PPM1E: variants seen among roughly 807,000 people sequenced by gnomAD.
PPM1E encodes protein phosphatase, Mg2+/Mn2+ dependent 1E.
In PPM1E, 20 loss-of-function variants were observed where a neutral mutation model predicts 65.9. That is an observed-to-expected ratio of 0.30 (90% CI 0.21 to 0.44). PPM1E has a LOEUF of 0.44. Among genes scored for constraint, PPM1E ranks in the 20% least tolerant of loss-of-function variants. PPM1E has a pLI of 1.00. For missense variants in PPM1E, 713 were observed against 953.1 expected, an observed-to-expected ratio of 0.75 and a Z score of 3.32; for synonymous variants, 352 against 374.9, an observed-to-expected ratio of 0.94 and a Z score of 0.70.
intron 1 of PPM1E, among the ~76,000 whole-genome samples, chr17:58,794,888 C>CTTT (rs35841208): frequency 3.8e-5 from 5 of 131,604 alleles, no homozygotes; most frequent in Admixed American, 1.6e-4. Flanking sequence ...GTACATGTGT[C>CTTT]TTTTTTTTTT....
At chr17:58,765,366 C>T (rs369928675) in intron 1 of PPM1E, among the ~76,000 whole-genome samples, 12 of 151,550 alleles carry the variant, frequency 7.9e-5, no homozygotes, top group East Asian at 3.9e-4. Flanking sequence ...TTAGTAGAGA[C>T]GTAGTTTCAC....
chr17:58,856,744 CCAAA>C (rs774053780), intron 1 of PPM1E, among the ~76,000 whole-genome samples: 2 of 152,078 alleles, frequency 1.3e-5, no homozygotes, highest in East Asian at 1.9e-4. Flanking sequence ...CATTTATAAG[CCAAA>C]CAGAGAGGCT....
chr17:58,829,594 C>T (rs1223274525), intron 1 of PPM1E, among the ~76,000 whole-genome samples: 1 of 152,112 alleles, frequency 6.6e-6, no homozygotes. Context: ...GTACAGCTGA[C>T]ATTCTGGAGC....
intron 1 of PPM1E, among the ~76,000 whole-genome samples, chr17:58,936,456 G>A (rs542932167): frequency 6.6e-6 from 1 of 152,204 alleles, no homozygotes; most frequent in East Asian, 1.9e-4. Flanking sequence ...TTAATTGATG[G>A]AAACTTCCCA....
intron 1 of PPM1E, among the ~76,000 whole-genome samples, chr17:58,817,846 A>G (rs7217920): frequency 0.64 from 96,657 of 151,670 alleles, 31,158 homozygotes; most frequent in African/African-American, 0.71. Flanking sequence ...CCGCCTCCTG[A>G]GTTCACGCCA....
chr17:58,956,459 C>CAA (rs34401263), intron 2 of PPM1E, among the ~76,000 whole-genome samples: 11 of 133,724 alleles, frequency 8.2e-5, no homozygotes, highest in South Asian at 2.3e-4. Context: ...AAACAAAAAA[C>CAA]AAAAAAAAAA....
intron 1 of PPM1E, among the ~76,000 whole-genome samples, chr17:58,932,822 A>G (rs915717953): frequency 1.3e-5 from 2 of 152,240 alleles, no homozygotes; most frequent in African/African-American, 4.8e-5. Context: ...AACAAAATAC[A>G]GTCAGGCACC....
intron 1 of PPM1E, among the ~76,000 whole-genome samples, chr17:58,805,833 A>G (rs186187687): frequency 9.2e-5 from 14 of 151,710 alleles, no homozygotes; most frequent in Non-Finnish European, 1.8e-4. Flanking sequence ...CTTTGTATCT[A>G]TGTAAAATCA....
At chr17:58,806,809 C>T (rs1222020388) in intron 1 of PPM1E, among the ~76,000 whole-genome samples, 2 of 150,624 alleles carry the variant, frequency 1.3e-5, no homozygotes, top group Non-Finnish European at 3.0e-5. Flanking sequence ...AAGCGATTCT[C>T]CTGCCTCAGC....
rs1280259696 is a variant in PPM1E at position 58,778,937 on chromosome 17, T to C, written c.464+22476T>C. Among the ~76,000 whole-genome samples, 19 of 137,982 alleles carry C rather than the reference T, an allele frequency of 1.4e-4. No individual in the cohort carries two copies. In the East Asian group the frequency reaches 3.7e-3, roughly 27 times the overall value. The allele number at this position is 137,982 out of a possible 152,430, so 90.5% of individuals were successfully genotyped here. A position where few individuals can be genotyped will look rare whatever the true frequency, so the allele number is the denominator to read the frequency against. On this transcript the variant is annotated intron_variant, in intron 1 of 6. Coordinates refer to ENST00000308249, the MANE Select transcript of PPM1E (RefSeq NM_014906.5). ...TTGAGATGATACATACATATATATA[T>C]ATATATATATATATATATATATATG...
Position 58,982,751 on chromosome 17 carries a change from G to T in PPM1E, c.*1720G>T. ...TTTTGAAGTCATTTCTTCTTCTCACGTCTGTGACAAATGGTTGAAAAGGAG... is the reference window on the plus strand; with the variant it reads ...TTTTGAAGTCATTTCTTCTTCTCACTTCTGTGACAAATGGTTGAAAAGGAG... On this transcript the variant is annotated 3_prime_UTR_variant, in exon 7 of 7. Transcript: ENST00000308249. The T allele has an allele frequency of 5.4e-6, 3 of 556,866 alleles. No homozygotes were observed. The highest frequency in any genetic ancestry group is 3.1e-5 in the South Asian group (1 of 32,440). The allele number at this position is 556,866 out of a possible 1,614,324, so 34.5% of individuals were successfully genotyped here. A position where few individuals can be genotyped will look rare whatever the true frequency, so the allele number is the denominator to read the frequency against.
Position 58,796,440 on chromosome 17 carries a change from CT to C in PPM1E, c.464+39981del, listed in dbSNP as rs546805337. ...CATGTGCCACCAAGCCTGGCTAATT[CT>C]TGTATTTTTGTAGAGAGAAGATTTT... On this transcript the variant is annotated intron_variant, in intron 1 of 6. Transcript: ENST00000308249. Among the ~76,000 whole-genome samples, 13 of 152,120 alleles carry C rather than the reference CT, an allele frequency of 8.5e-5. No homozygotes were observed. The East Asian group carries it at 1.9e-3, about 23-fold the overall frequency.
chr17:58,946,520 A>C (rs1307753082), intron 1 of PPM1E, among the ~76,000 whole-genome samples: 1 of 152,124 alleles, frequency 6.6e-6, no homozygotes, highest in Non-Finnish European at 1.5e-5. Flanking sequence ...TATAACGATG[A>C]TTATGGCTCA....
At chr17:58,892,454 T>G (rs912702086) in intron 1 of PPM1E, among the ~76,000 whole-genome samples, 5 of 152,022 alleles carry the variant, frequency 3.3e-5, no homozygotes, top group Admixed American at 3.3e-4. Flanking sequence ...ATGCCTATAT[T>G]CCCAGCTACT....
In PPM1E at chr17:58,983,106, A is replaced by G; in HGVS notation, c.*2075A>G. On this transcript the variant is annotated 3_prime_UTR_variant, in exon 7 of 7. Transcript: ENST00000308249. ...ATGCTAGGCTTTCTCAGTGGGGAAA[A>G]AAATGGCTGGATAGAACTGGGACAA... The G allele has an allele frequency of 7.0e-6, 4 of 568,916 alleles. No homozygotes were observed. Among genetic ancestry groups the G allele is most frequent in the Non-Finnish European group, 9.2e-6 (3 of 326,236 alleles). 35.2% of individuals were successfully genotyped at this position (568,916 alleles called of 1,614,324 possible). A position where few individuals can be genotyped will look rare whatever the true frequency, so the allele number is the denominator to read the frequency against.
At chr17:58,780,731 A>C (rs2050042246) in intron 1 of PPM1E, among the ~76,000 whole-genome samples, 1 of 152,134 alleles carries the variant, frequency 6.6e-6, no homozygotes, top group South Asian at 2.1e-4. Context: ...AGAAGTTAAA[A>C]TTTTTGTACT....
chr17:58,794,029 G>A (rs992504010), intron 1 of PPM1E, among the ~76,000 whole-genome samples: 2 of 151,890 alleles, frequency 1.3e-5, no homozygotes, highest in African/African-American at 4.8e-5. Context: ...TACAACCTCC[G>A]CGTCCTGGGT....
intron 1 of PPM1E, among the ~76,000 whole-genome samples, chr17:58,860,464 A>G (rs2050927592): frequency 1.3e-5 from 2 of 152,186 alleles, no homozygotes; most frequent in African/African-American, 4.8e-5. Flanking sequence ...TTATTGGGCC[A>G]TGTATCTTCA....
chr17:58,825,224 TCACACACACACACACACACACACA>T (rs71367635), intron 1 of PPM1E, among the ~76,000 whole-genome samples: 1 of 140,038 alleles, frequency 7.1e-6, no homozygotes, highest in African/African-American at 2.7e-5. Context: ...ACACACACAC[TCACACACACACACACACACACACA>T]CACACACACA....
Sources: allele counts gnomAD v4.1 joint callset (sites outside exome capture counted in the v4.1 genomes callset), GRCh38; gene constraint gnomAD v4.1.1; transcripts MANE v1.5; gene names NCBI Gene and HGNC (gene_info 2026-07-23, HGNC 2026-07-21).